ZNFX1: variants seen among roughly 807,000 people sequenced by gnomAD.
ZNFX1 encodes the protein NFX1-type zinc finger-containing protein 1.
ZNFX1 carries 78 observed loss-of-function variants against 179.8 expected under a neutral mutation model. That is an observed-to-expected ratio of 0.43 (90% confidence interval 0.36 to 0.52). The LOEUF is 0.52. Among genes scored for constraint, ZNFX1 ranks in the 20% least tolerant of loss-of-function variants. ZNFX1 has a pLI of 0.00. For missense variants in ZNFX1, 1,927 were observed against 2,386.6 expected, an observed-to-expected ratio of 0.81 and a Z score of 4.01; for synonymous variants, 848 against 868.5, an observed-to-expected ratio of 0.98 and a Z score of 0.42.
intron 6 of ZNFX1, among the ~76,000 whole-genome samples, chr20:49,261,176 G>C (rs774789089): frequency 2.0e-5 from 3 of 152,212 alleles, no homozygotes; most frequent in Non-Finnish European, 4.4e-5. Flanking sequence ...CGAGGCTGCA[G>C]TGAGCTATGA....
chr20:49,265,993 A>T, intron 4 of ZNFX1, 142 bp downstream of exon 4: 1 of 880,278 alleles, frequency 1.1e-6, no homozygotes, highest in South Asian at 1.7e-5. Flanking sequence ...TTCACAGTCC[A>T]GCTGGGACAG....
intron 7 of ZNFX1, among the ~76,000 whole-genome samples, chr20:49,259,308 C>A (rs868568629): frequency 6.6e-6 from 1 of 151,948 alleles, no homozygotes; most frequent in African/African-American, 2.4e-5. Flanking sequence ...TTTTTGAAGA[C>A]CTTTGTTAGC....
chr20:49,265,590 G>A (rs1981216166), intron 4 of ZNFX1, among the ~76,000 whole-genome samples: 1 of 152,068 alleles, frequency 6.6e-6, no homozygotes, highest in African/African-American at 2.4e-5. Flanking sequence ...TAAAGGAAAA[G>A]CATATATTTA....
chr20:49,248,755 C>T lies in ZNFX1; in HGVS notation c.4269G>A (p.Leu1423=). 6.2e-7 allele frequency: 1 copy of T among 1,613,866 alleles called. No individual in the cohort carries two copies. The highest frequency in any genetic ancestry group is 8.5e-7 in the Non-Finnish European group (1 of 1,180,044). The change falls in exon 14 of 14, where the codon CTG becomes CTA. Residue 1423 remains leucine, a synonymous_variant. Coordinates refer to ENST00000396105, the MANE Select transcript of ZNFX1 (RefSeq NM_021035.3). This position sits in a 1 kb window ranked among gnomAD's most constrained non-coding sequence, Gnocchi z 4.6. The stretch of plus-strand genomic sequence containing the variant: ...TACACTTGACTAGCAGACCACCATA[C>T]AGGAGGCCTTCCACATGACCACATT... ...PVKCGHVEGL[L]YGGLLVKCTT...
intron 13 of ZNFX1, among the ~76,000 whole-genome samples, chr20:49,251,056 T>C (rs1980824464): frequency 6.6e-6 from 1 of 151,376 alleles, no homozygotes; most frequent in South Asian, 2.1e-4. Flanking sequence ...ACAGGCAGAA[T>C]TGGGATTAAA....
intron 11 of ZNFX1, 70 bp from the exon 12 acceptor site, chr20:49,252,900 C>G (rs1430463014): frequency 8.5e-7 from 1 of 1,181,436 alleles, no homozygotes; most frequent in Non-Finnish European, 1.3e-6. Context: ...TTCCATCCAT[C>G]CAACCAACCA....
intron 7 of ZNFX1, among the ~76,000 whole-genome samples, chr20:49,258,597 G>A (rs747791067): frequency 1.3e-5 from 2 of 152,056 alleles, no homozygotes; most frequent in Non-Finnish European, 2.9e-5. Context: ...CCTGACGTCA[G>A]GAGTTCGAGA....
At chr20:49,250,333 G>T (rs528087271) in intron 13 of ZNFX1, among the ~76,000 whole-genome samples, 3 of 152,186 alleles carry the variant, frequency 2.0e-5, no homozygotes, top group African/African-American at 4.8e-5. Context: ...GCTGTGAGGA[G>T]GATGATGATA....
intron 12 of ZNFX1, among the ~76,000 whole-genome samples, chr20:49,251,961 A>G (rs911268871): frequency 6.8e-6 from 1 of 147,720 alleles, no homozygotes; most frequent in Non-Finnish European, 1.5e-5. Flanking sequence ...TTCCAAAAGT[A>G]GCTGGGACTA....
chr20:49,251,509 C>T lies in ZNFX1; in HGVS notation c.3312+18G>A, dbSNP rs372049750. The T allele has an allele frequency of 1.9e-4, 303 of 1,599,484 alleles. 1 individual carries two copies. The highest frequency in any genetic ancestry group is 1.0e-3 in the South Asian group (94 of 89,738). On this transcript the variant is annotated intron_variant, in intron 13 of 13. Transcript: ENST00000396105. ...GTTGCTGACACCATCCAAGAAAGAT[C>T]GGGTAAGACAGACTCACCTTAATCT...
intron 5 of ZNFX1, among the ~76,000 whole-genome samples, chr20:49,264,259 A>T (rs1202840978): frequency 6.6e-6 from 1 of 152,184 alleles, no homozygotes; most frequent in African/African-American, 2.4e-5. Flanking sequence ...AAAGTTTTGG[A>T]TTTGGATTTT....
chr20:49,265,089 G>C (rs1568985789), intron 4 of ZNFX1, among the ~76,000 whole-genome samples: 1 of 152,184 alleles, frequency 6.6e-6, no homozygotes, highest in African/African-American at 2.4e-5. Context: ...CAGACAACTA[G>C]GGATCCAACT....
chr20:49,258,343 C>T (rs1162454404), intron 7 of ZNFX1, among the ~76,000 whole-genome samples: 1 of 150,330 alleles, frequency 6.7e-6, no homozygotes, highest in Non-Finnish European at 1.5e-5. Flanking sequence ...CTGCCTCGGC[C>T]TCCCAAAGTG....
At chr20:49,254,875 A>C (rs1232286807) in intron 9 of ZNFX1, among the ~76,000 whole-genome samples, 1 of 152,164 alleles carries the variant, frequency 6.6e-6, no homozygotes, top group Non-Finnish European at 1.5e-5. Flanking sequence ...AAGGTTAACT[A>C]TGGGAAGAAA....
chr20:49,253,732 C>T lies in ZNFX1; in HGVS notation c.3039G>A (p.Glu1013=), dbSNP rs951046778. 1.9e-6 allele frequency: 3 copies of T among 1,614,100 alleles called. No individual in the cohort carries two copies. Among genetic ancestry groups the T allele is most frequent in the Non-Finnish European group, 2.5e-6 (3 of 1,180,050 alleles). The change falls in exon 11 of 14, where the codon GAG becomes GAA. Residue 1013 remains glutamate, a synonymous_variant. Coordinates refer to ENST00000396105, the MANE Select transcript of ZNFX1 (RefSeq NM_021035.3). ...VIVEEAAEVL[E]AHTIATLSKA... Reference sequence around the variant, plus strand: ...TGCTCAATGTGGCAATGGTATGGGCCTCAAGGACTTCCGCAGCTTCTTCCA... The same window carrying T: ...TGCTCAATGTGGCAATGGTATGGGCTTCAAGGACTTCCGCAGCTTCTTCCA...
At chr20:49,265,190 C>T (rs1981206746) in intron 4 of ZNFX1, among the ~76,000 whole-genome samples, 1 of 152,122 alleles carries the variant, frequency 6.6e-6, no homozygotes. Context: ...CAATATCTCC[C>T]ATATAGGGCT....
rs1376157042 is a variant in ZNFX1, at chr20:49,257,596, C to A, written c.2485G>T (p.Ala829Ser). 1 of 1,613,946 alleles carries A rather than the reference C, an allele frequency of 6.2e-7. No homozygotes were observed. Among genetic ancestry groups the A allele is most frequent in the Non-Finnish European group, 8.5e-7 (1 of 1,180,032 alleles). ...ESSLIEIAEE[A>S]DLIQADRVIE... is the part of the protein sequence containing the mutation. Reference sequence around the variant, plus strand: ...ACCCGGTCTGCTTGAATCAGGTCAGCTTCCTCTGCGATCTCTATCAGCGAA... The same window carrying A: ...ACCCGGTCTGCTTGAATCAGGTCAGATTCCTCTGCGATCTCTATCAGCGAA... The change falls in exon 8 of 14, where the codon GCT becomes TCT. Residue 829 changes from alanine to serine, a missense_variant. By Grantham distance (99) the Ala-to-Ser change is moderately conservative. Transcript: ENST00000396105.
chr20:49,263,362 C>G lies in ZNFX1; in HGVS notation c.2273G>C (p.Trp758Ser). 6.2e-7 allele frequency: 1 copy of G among 1,613,758 alleles called. No homozygotes were observed. The change falls in exon 6 of 14, where the codon TGG (tryptophan) becomes TCG (serine). Residue 758 changes from tryptophan to serine, a missense_variant. Transcript: ENST00000396105. ...YLQKYISPQH[W>S]ESLMNGPVQD... Reference sequence around the variant, plus strand: ...CACTGGTCCATTCATGAGACTTTCCCAGTGCTGGGGTGAGATGTACTTCTG... The same window carrying G: ...CACTGGTCCATTCATGAGACTTTCCGAGTGCTGGGGTGAGATGTACTTCTG...
At chr20:49,253,350 T>C (rs1980890887) in intron 11 of ZNFX1, among the ~76,000 whole-genome samples, 1 of 152,062 alleles carries the variant, frequency 6.6e-6, no homozygotes, top group Non-Finnish European at 1.5e-5. Flanking sequence ...CTCCTTTATG[T>C]AGAGTGCATT....
Sources: allele counts gnomAD v4.1 joint callset (sites outside exome capture counted in the v4.1 genomes callset), GRCh38; gene constraint gnomAD v4.1.1; non-coding constraint Gnocchi (gnomAD v3.1); transcripts MANE v1.5; gene names NCBI Gene and HGNC (gene_info 2026-07-23, HGNC 2026-07-21).